Variants in LARP4 observed in about 807,000 individuals in gnomAD.
LARP4 encodes the protein la-related protein 4.
In LARP4, 29 loss-of-function variants were observed where a neutral mutation model predicts 92.9. That is an observed-to-expected ratio of 0.31 (90% CI 0.23 to 0.43). The LOEUF (loss-of-function observed/expected upper bound fraction) is 0.43. LARP4 is among the 20% of genes least tolerant of loss of function. LARP4 has a pLI of 1.00. For missense variants in LARP4, 732 were observed against 860.0 expected, an observed-to-expected ratio of 0.85 and a Z score of 1.86; for synonymous variants, 279 against 284.1, an observed-to-expected ratio of 0.98 and a Z score of 0.18.
At chr12:50,450,887 T>G (rs1953071734) in intron 8 of LARP4, among the ~76,000 whole-genome samples, 1 of 152,160 alleles carries the variant, frequency 6.6e-6, no homozygotes. Context: ...TTTTCAGTTC[T>G]TTTTTACGTT....
intron 8 of LARP4, among the ~76,000 whole-genome samples, chr12:50,447,360 G>A (rs1328344218): frequency 6.6e-6 from 1 of 152,192 alleles, no homozygotes; most frequent in Non-Finnish European, 1.5e-5. Flanking sequence ...AAATATTATA[G>A]ATGTTGATGG....
At chr12:50,409,626 G>A (rs953535475) in intron 1 of LARP4, among the ~76,000 whole-genome samples, 6 of 151,996 alleles carry the variant, frequency 3.9e-5, no homozygotes, top group African/African-American at 9.7e-5. Context: ...AATTAGGCGG[G>A]TATAGTGGCA....
In LARP4 at chr12:50,461,192, A is replaced by G. The variant is rs769871129; in HGVS notation, c.1179A>G (p.Val393=). 1.2e-6 allele frequency: 2 copies of G among 1,613,994 alleles called. No homozygotes were observed. Among genetic ancestry groups the G allele is most frequent in the African/African-American group, 2.7e-5 (2 of 74,908 alleles). Residue 393 remains valine (V), a synonymous_variant, in exon 11 of 16, where the codon GTA becomes GTG. Transcript: ENST00000398473. ...GGSEHSTEGS[V]SLGDGQLNRY... is the part of the protein sequence containing the mutation. ...CAGAACACTCAACAGAGGGCTCTGT[A>G]TCCTTGGGGGATGGACAGTTGAACA...
At chr12:50,410,706 G>C (rs1329263513) in intron 1 of LARP4, among the ~76,000 whole-genome samples, 1 of 152,032 alleles carries the variant, frequency 6.6e-6, no homozygotes, top group African/African-American at 2.4e-5. Context: ...ACCCGGCCTA[G>C]AATTCTTTAT....
In LARP4 at chr12:50,456,930, T is replaced by C. The variant is rs573715912; in HGVS notation, c.1121+2513T>C. Among the ~76,000 whole-genome samples the C allele has an allele frequency of 1.5e-3, 187 of 128,712 alleles. 1 individual carries two copies. In the South Asian group the frequency reaches 0.046, roughly 31 times the overall value. The allele number at this position is 128,712 out of a possible 152,430, so 84.4% of individuals were successfully genotyped here. A position where few individuals can be genotyped will look rare whatever the true frequency, so the allele number is the denominator to read the frequency against. ...TAACAGGTAATATAAATTTTTTTTT[T>C]TGAGACGGAGTCGTGCTCTGTCACC... On this transcript the variant is annotated intron_variant, in intron 10 of 15. Transcript: ENST00000398473.
chr12:50,441,737 C>A, intron 8 of LARP4, 94 bp downstream of exon 8: 1 of 1,064,338 alleles, frequency 9.4e-7, no homozygotes, highest in South Asian at 1.5e-5. Flanking sequence ...TATAAAAACC[C>A]ATAGTGACTT....
rs1175856636 is a variant in LARP4, at chr12:50,477,767, G to A, written c.*1903G>A. On this transcript the variant is annotated 3_prime_UTR_variant, in exon 16 of 16. Coordinates refer to ENST00000398473, the MANE Select transcript of LARP4 (RefSeq NM_052879.5). ...CACTATTTTTAAAAATTGCCTACTA[G>A]GTGAAACATAACAATAAAACTACCT... The A allele has an allele frequency of 2.0e-5, 3 of 152,300 alleles. No individual in the cohort carries two copies. Among genetic ancestry groups the A allele is most frequent in the Non-Finnish European group, 4.4e-5 (3 of 67,904 alleles). The allele number at this position is 152,300 out of a possible 1,614,324, so 9.4% of individuals were successfully genotyped here. A position where few individuals can be genotyped will look rare whatever the true frequency, so the allele number is the denominator to read the frequency against.
intron 8 of LARP4, among the ~76,000 whole-genome samples, chr12:50,446,554 G>A (rs530347924): frequency 4.7e-5 from 7 of 147,422 alleles, no homozygotes; most frequent in South Asian, 2.2e-4. Flanking sequence ...TCAGCCTCCC[G>A]AGTAGCTGGT....
intron 4 of LARP4, among the ~76,000 whole-genome samples, chr12:50,434,266 A>C (rs1023877281): frequency 5.9e-5 from 9 of 152,126 alleles, no homozygotes; most frequent in Non-Finnish European, 2.9e-5. Flanking sequence ...AGAATATTTG[A>C]TGTGAATAGC....
intron 8 of LARP4, among the ~76,000 whole-genome samples, chr12:50,445,021 C>A (rs567330315): frequency 2.1e-5 from 3 of 142,720 alleles, no homozygotes; most frequent in African/African-American, 5.1e-5. Flanking sequence ...ACCCCCGGCC[C>A]GAGTTAGCTG....
At chr12:50,431,423 C>T (rs763568320) in intron 4 of LARP4, among the ~76,000 whole-genome samples, 1 of 152,094 alleles carries the variant, frequency 6.6e-6, no homozygotes, top group Non-Finnish European at 1.5e-5. Flanking sequence ...ATAGTTGATT[C>T]TTGTAATGTT....
At chr12:50,436,946 A>G (rs1337107162) in intron 5 of LARP4, among the ~76,000 whole-genome samples, 1 of 152,236 alleles carries the variant, frequency 6.6e-6, no homozygotes, top group African/African-American at 2.4e-5. Flanking sequence ...CATTTATGGA[A>G]TCTCTCATTG....
chr12:50,429,385 A>C (rs1182661991), intron 3 of LARP4, among the ~76,000 whole-genome samples: 5 of 152,008 alleles, frequency 3.3e-5, no homozygotes, highest in African/African-American at 4.8e-5. Context: ...CCAGGCGGGC[A>C]GATCACTTGA....
chr12:50,475,372 G>A (rs1215637691), intron 15 of LARP4, among the ~76,000 whole-genome samples, 154 bp from the exon 16 acceptor site: 4 of 152,174 alleles, frequency 2.6e-5, no homozygotes, highest in African/African-American at 9.7e-5. Context: ...AATAAAGATT[G>A]TACCAGTGTA....
In LARP4 at chr12:50,454,634, T is replaced by TG. The variant is rs1477920281; in HGVS notation, c.1121+217_1121+218insG. ...GCATGTAACAGACTTGGGATTCAGA[T>TG]TTTTTTTAATAATAAAAGAGAATAG... is the stretch of plus-strand genomic sequence containing the variant. On this transcript the variant is annotated intron_variant, in intron 10 of 15. Transcript: ENST00000398473. 17 of 377,550 alleles carry TG rather than the reference T, an allele frequency of 4.5e-5. 1 individual carries two copies. In the South Asian group the frequency reaches 8.1e-4, roughly 18 times the overall value. The allele number at this position is 377,550 out of a possible 1,614,324, so 23.4% of individuals were successfully genotyped here.
intron 1 of LARP4, among the ~76,000 whole-genome samples, chr12:50,408,417 G>A (rs149376901): frequency 9.1e-4 from 139 of 151,960 alleles, no homozygotes; most frequent in African/African-American, 3.3e-3. Context: ...GGCTGGTCTC[G>A]AACTCCCAAC....
chr12:50,405,260 A>G (rs1230677958), intron 1 of LARP4, among the ~76,000 whole-genome samples: 1 of 152,172 alleles, frequency 6.6e-6, no homozygotes, highest in African/African-American at 2.4e-5. Context: ...GGAAAGAGGT[A>G]AAAGTTTGGA....
intron 1 of LARP4, among the ~76,000 whole-genome samples, chr12:50,413,777 A>G (rs1349196453): frequency 2.0e-5 from 3 of 152,186 alleles, no homozygotes; most frequent in Non-Finnish European, 4.4e-5. Flanking sequence ...TCCTTGTAGT[A>G]TCACCTTGCG....
chr12:50,428,248 G>A (rs1005811628), intron 2 of LARP4, among the ~76,000 whole-genome samples: 3 of 151,852 alleles, frequency 2.0e-5, no homozygotes, highest in African/African-American at 7.3e-5. Context: ...GGCTGGTCTC[G>A]AACTCCTGAC....
Sources: allele counts gnomAD v4.1 joint callset (sites outside exome capture counted in the v4.1 genomes callset), GRCh38; gene constraint gnomAD v4.1.1; transcripts MANE v1.5; gene names NCBI Gene and HGNC (gene_info 2026-07-23, HGNC 2026-07-21).